The following PATJ variants were observed in gnomAD, a reference collection of about 807,000 sequenced individuals.
PATJ encodes PATJ crumbs cell polarity complex component.
In PATJ, 190 loss-of-function variants were observed where a neutral mutation model predicts 224.9. That is an observed-to-expected ratio of 0.84 (90% confidence interval 0.75 to 0.95). The LOEUF (loss-of-function observed/expected upper bound fraction) is 0.95. PATJ is among the 40% of genes least tolerant of loss of function. PATJ has a pLI of 0.00. For synonymous variants in PATJ, 769 were observed against 820.3 expected (o/e 0.94, Z 1.07); for missense variants, 2,121 against 2,270.3 (o/e 0.93, Z 1.34).
intron 17 of PATJ, among the ~76,000 whole-genome samples, chr1:61,840,505 A>G (rs915128492): frequency 1.3e-5 from 2 of 152,028 alleles, no homozygotes; most frequent in Non-Finnish European, 2.9e-5. Context: ...TAATTTTAAA[A>G]AAACTTTGAC....
intron 39 of PATJ, among the ~76,000 whole-genome samples, chr1:62,124,683 G>GC (rs1359430898): frequency 6.6e-6 from 1 of 151,940 alleles, no homozygotes; most frequent in African/African-American, 2.4e-5. Context: ...TTTTCCTGAG[G>GC]CCCCCCTCCT....
intron 30 of PATJ, chr1:62,039,203 G>C: frequency 2.2e-6 from 1 of 459,886 alleles, no homozygotes; most frequent in Non-Finnish European, 4.2e-6. Flanking sequence ...CCAGTAGTTA[G>C]GCCATTCATT....
Position 62,036,871 on chromosome 1 carries a change from C to CAAAAAA in PATJ, c.3960-1101_3960-1096dup, listed in dbSNP as rs55761910. 2.8e-4 allele frequency among the ~76,000 whole-genome samples: 19 copies of CAAAAAA among 67,342 alleles called. 5 individuals are homozygous for CAAAAAA. Among genetic ancestry groups the CAAAAAA allele is most frequent in the Admixed American group, 8.8e-4 (4 of 4,570 alleles). 44.2% of individuals were successfully genotyped at this position (67,342 alleles called of 152,430 possible). A position where few individuals can be genotyped will look rare whatever the true frequency, so the allele number is the denominator to read the frequency against. ...TTGGTGACAAAGTGAGACTCCATCT[C>CAAAAAA]AAAAAAAAAAGAAGGAAGAAAGGAA... is the stretch of plus-strand genomic sequence containing the variant. On this transcript the variant is annotated intron_variant, in intron 29 of 43. Coordinates refer to ENST00000642238, the MANE Select transcript of PATJ (RefSeq NM_001350145.3).
Position 61,822,941 on chromosome 1 carries a change from A to G in PATJ, c.1684-4A>G, listed in dbSNP as rs1406551892. ...TTTGATCATTGCTTTGTGTTTTGCT[A>G]CAGCTGCTGCCTATTCACACTCTGA... On this transcript the variant is annotated splice_region_variant and splice_polypyrimidine_tract_variant and intron_variant, in intron 14 of 43. Transcript: ENST00000642238. The G allele has an allele frequency of 1.9e-6, 3 of 1,613,990 alleles. No homozygotes were observed. Among genetic ancestry groups the G allele is most frequent in the Non-Finnish European group, 2.5e-6 (3 of 1,179,962 alleles).
chr1:61,802,717 G>A (rs1652797883), intron 12 of PATJ, among the ~76,000 whole-genome samples: 3 of 151,968 alleles, frequency 2.0e-5, no homozygotes, highest in Non-Finnish European at 4.4e-5. Flanking sequence ...GAATTGCCAA[G>A]CTGTTATACC....
At chr1:61,819,111 G>A (rs1656751496) in intron 14 of PATJ, among the ~76,000 whole-genome samples, 1 of 152,050 alleles carries the variant, frequency 6.6e-6, no homozygotes, top group Admixed American at 6.5e-5. Flanking sequence ...AGGCTTTTTT[G>A]TAGGGCTGAC....
rs575195352 is a variant in PATJ, at chr1:61,884,219, T to C, written c.2960-18T>C. ...TGAGTGCCTCTTGTGTTCACTGTCA[T>C]CTGGATTTGCTCTTCAGGCATGATC... On this transcript the variant is annotated intron_variant, in intron 21 of 43. Coordinates refer to ENST00000642238, the MANE Select transcript of PATJ (RefSeq NM_001350145.3). 1.9e-6 allele frequency: 3 copies of C among 1,570,648 alleles called. No homozygotes were observed. The East Asian group carries it at 6.9e-5, about 36-fold the overall frequency.
At chr1:61,872,353 C>T (rs1332475648) in intron 20 of PATJ, among the ~76,000 whole-genome samples, 1 of 152,166 alleles carries the variant, frequency 6.6e-6, no homozygotes, top group African/African-American at 2.4e-5. Flanking sequence ...CAAAAATCAC[C>T]TGGTGACCAT....
intron 22 of PATJ, among the ~76,000 whole-genome samples, chr1:61,893,512 G>T (rs1571154504): frequency 7.0e-6 from 1 of 143,688 alleles, no homozygotes; most frequent in South Asian, 2.2e-4. Flanking sequence ...GCCAATTAAA[G>T]AATTTAGGCC....
intron 1 of PATJ, among the ~76,000 whole-genome samples, chr1:61,749,527 A>G (rs369988454): frequency 1.9e-4 from 29 of 152,308 alleles, no homozygotes; most frequent in Middle Eastern, 6.8e-3. Flanking sequence ...CTGTTTTTGT[A>G]TTAGTGACCA....
intron 24 of PATJ, among the ~76,000 whole-genome samples, chr1:61,905,382 C>T (rs1344373226): frequency 2.0e-5 from 3 of 152,208 alleles, no homozygotes; most frequent in East Asian, 1.9e-4. Context: ...CCTCCTAATA[C>T]CTTCACCTTA....
At chr1:61,859,831 G>T (rs1382024864) in intron 18 of PATJ, among the ~76,000 whole-genome samples, 3 of 152,130 alleles carry the variant, frequency 2.0e-5, no homozygotes, top group African/African-American at 4.8e-5. Flanking sequence ...GGCTGGGCAG[G>T]TTGGTCTCAA....
intron 43 of PATJ, among the ~76,000 whole-genome samples, chr1:62,156,034 G>A (rs1289240611): frequency 6.2e-5 from 8 of 129,964 alleles, no homozygotes; most frequent in Non-Finnish European, 9.5e-5. Context: ...CTCCAGCCTG[G>A]GTGACAGAGC....
chr1:62,029,650 A>T (rs568286630), intron 29 of PATJ, among the ~76,000 whole-genome samples: 1 of 152,320 alleles, frequency 6.6e-6, no homozygotes, highest in African/African-American at 2.4e-5. Flanking sequence ...GAATAGAATG[A>T]AGTTACTGAG....
At chr1:61,871,705 G>A (rs974724220) in intron 20 of PATJ, among the ~76,000 whole-genome samples, 1 of 150,220 alleles carries the variant, frequency 6.7e-6, no homozygotes, top group African/African-American at 2.4e-5. Flanking sequence ...TGGTATTACA[G>A]GCACCCACCA....
At chr1:62,015,077 A>C (rs933870147) in intron 28 of PATJ, among the ~76,000 whole-genome samples, 1 of 152,084 alleles carries the variant, frequency 6.6e-6, no homozygotes, top group Non-Finnish European at 1.5e-5. Context: ...AGGAGGGCGG[A>C]CCACCTGAGG....
chr1:61,952,243 G>T, intron 27 of PATJ: 1 of 321,322 alleles, frequency 3.1e-6, no homozygotes, highest in South Asian at 4.4e-5. Context: ...CCCTTAAAGA[G>T]AACAAAATCT....
Position 61,899,642 on chromosome 1 carries a change from G to A in PATJ, c.3191G>A (p.Gly1064Asp), listed in dbSNP as rs1417502966. 1.9e-6 allele frequency: 3 copies of A among 1,610,080 alleles called. No homozygotes were observed. The highest frequency in any genetic ancestry group is 2.5e-6 in the Non-Finnish European group (3 of 1,177,978). The part of the protein sequence containing the change: ...GEETPNFSHW[G>D]PPRIVEIFRE... ...GAAACTCCAAATTTTAGCCACTGGG[G>A]TCCACCGAGAATGTATGTGGATGAC... Residue 1064 changes from glycine (G) to aspartate (D), a missense_variant, in exon 23 of 44, where the codon GGT becomes GAT. Transcript: ENST00000642238.
chr1:61,883,520 C>T (rs1170795368), intron 21 of PATJ, among the ~76,000 whole-genome samples: 1 of 152,072 alleles, frequency 6.6e-6, no homozygotes, highest in East Asian at 1.9e-4. Context: ...AAGGCTGAGG[C>T]AGGTGGATCA....
Sources: gnomAD v4.1 joint callset for allele counts (sites outside exome capture counted in the v4.1 genomes callset) on GRCh38, gnomAD v4.1.1 for gene constraint, MANE v1.5 for transcripts, NCBI Gene and HGNC (gene_info 2026-07-23, HGNC 2026-07-21) for gene names.